CNTNAP5: variants seen among roughly 807,000 people sequenced by gnomAD.
CNTNAP5 encodes the protein contactin-associated protein-like 5.
In CNTNAP5, 72 loss-of-function variants were observed where a neutral mutation model predicts 150.2. The observed-to-expected ratio is 0.48, with a 90% CI of 0.40 to 0.58. The LOEUF (loss-of-function observed/expected upper bound fraction) is 0.58, where lower values mean the gene tolerates loss of function less well. CNTNAP5 is among the 20% of genes least tolerant of loss of function. The probability of loss-of-function intolerance (pLI) is 0.00; values close to 1 mark genes in which losing one functional copy is unlikely to be tolerated. For synonymous variants in CNTNAP5, 672 were observed against 619.8 expected (o/e 1.08, Z -1.25); for missense variants, 1,636 against 1,626.2 (o/e 1.01, Z -0.10).
At chr2:124,184,330 A>T (rs530770528) in intron 1 of CNTNAP5, among the ~76,000 whole-genome samples, 191 of 152,302 alleles carry the variant, frequency 1.3e-3, no homozygotes, top group African/African-American at 4.4e-3. Flanking sequence ...GGAGCTTTGC[A>T]TGGAGAAGCA....
intron 19 of CNTNAP5, among the ~76,000 whole-genome samples, chr2:124,830,470 C>T (rs1410581442): frequency 6.6e-6 from 1 of 151,948 alleles, no homozygotes; most frequent in East Asian, 1.9e-4. Flanking sequence ...AAAGCCCATT[C>T]AGATAACTGT....
At chr2:124,079,176 C>T (rs919372507) in intron 1 of CNTNAP5, among the ~76,000 whole-genome samples, 4 of 152,120 alleles carry the variant, frequency 2.6e-5, no homozygotes, top group African/African-American at 9.7e-5. Flanking sequence ...ACACCTGTTA[C>T]GTTAGTCCAG....
intron 22 of CNTNAP5, among the ~76,000 whole-genome samples, chr2:124,903,413 G>T (rs1678455880): frequency 6.6e-6 from 1 of 152,072 alleles, no homozygotes. Flanking sequence ...AGTGGATACT[G>T]CTCCGAGAAT....
chr2:124,333,964 C>T (rs1398139760), intron 3 of CNTNAP5, among the ~76,000 whole-genome samples: 1 of 152,132 alleles, frequency 6.6e-6, no homozygotes, highest in Non-Finnish European at 1.5e-5. Context: ...AGTTAATAAA[C>T]ACCCAAAGGT....
At chr2:124,403,914 A>C (rs751905939) in intron 3 of CNTNAP5, among the ~76,000 whole-genome samples, 10 of 152,224 alleles carry the variant, frequency 6.6e-5, no homozygotes, top group Non-Finnish European at 1.3e-4. Context: ...GCCCTTTCTA[A>C]AACTATCAGG....
chr2:124,610,980 T>C (rs1165631978), intron 12 of CNTNAP5, among the ~76,000 whole-genome samples: 1 of 150,918 alleles, frequency 6.6e-6, no homozygotes, highest in Non-Finnish European at 1.5e-5. Flanking sequence ...AATCCAGCTA[T>C]GCAAGCACTC....
At chr2:124,768,761 G>C (rs1346759109) in intron 16 of CNTNAP5, among the ~76,000 whole-genome samples, 1 of 152,040 alleles carries the variant, frequency 6.6e-6, no homozygotes, top group Non-Finnish European at 1.5e-5. Context: ...CAGTCCACAG[G>C]ATTGACAATG....
At chr2:124,534,519 T>C (rs190191040) in intron 10 of CNTNAP5, among the ~76,000 whole-genome samples, 49 of 152,276 alleles carry the variant, frequency 3.2e-4, no homozygotes, top group Non-Finnish European at 1.5e-5. Context: ...TTCCAGATGT[T>C]GCCATGGCAT....
At chr2:124,196,975 G>A (rs1421971193) in intron 1 of CNTNAP5, among the ~76,000 whole-genome samples, 4 of 152,186 alleles carry the variant, frequency 2.6e-5, no homozygotes, top group Non-Finnish European at 5.9e-5. Context: ...GATAAATATA[G>A]TAGCATGCAT....
intron 1 of CNTNAP5, among the ~76,000 whole-genome samples, chr2:124,051,548 C>T (rs955671144): frequency 1.3e-5 from 2 of 152,196 alleles, no homozygotes; most frequent in Non-Finnish European, 2.9e-5. Context: ...TCCATCTCTT[C>T]GTGATGCCAA....
chr2:124,513,141 C>T (rs1027506028), intron 8 of CNTNAP5, among the ~76,000 whole-genome samples: 1 of 152,122 alleles, frequency 6.6e-6, no homozygotes, highest in Non-Finnish European at 1.5e-5. Context: ...CATATTTTCT[C>T]AGTTTTGGAG....
At chr2:124,514,279 G>A (rs774887657) in intron 8 of CNTNAP5, among the ~76,000 whole-genome samples, 21 of 152,328 alleles carry the variant, frequency 1.4e-4, no homozygotes, top group South Asian at 4.1e-4. Context: ...TTTCTTGGGC[G>A]TCTTCAGCTT....
rs111675666 is a variant in CNTNAP5, at chr2:124,322,082, G to A, written c.381+79689G>A. 3.2e-3 allele frequency among the ~76,000 whole-genome samples: 487 copies of A among 151,752 alleles called. 4 individuals carry two copies. Among genetic ancestry groups the A allele is most frequent in the East Asian group, 0.026 (135 of 5,174 alleles). The stretch of plus-strand genomic sequence containing the variant: ...GGAGAATCGCTTGAACTTGGGAGGC[G>A]GAGGTTGCAGTGAGCCAAGATTGCA... On this transcript the variant is annotated intron_variant, in intron 3 of 23. Coordinates refer to ENST00000682447, the MANE Select transcript of CNTNAP5 (RefSeq NM_001367498.1).
At chr2:124,707,147 GA>G in intron 13 of CNTNAP5, among the ~76,000 whole-genome samples, 1 of 40,984 alleles carries the variant, frequency 2.4e-5, no homozygotes, top group Non-Finnish European at 5.1e-5. Context: ...AGAGGAAGAA[GA>G]AGAAGAAGAA....
intron 1 of CNTNAP5, among the ~76,000 whole-genome samples, chr2:124,211,968 G>A (rs1245688472): frequency 1.3e-5 from 2 of 152,176 alleles, no homozygotes; most frequent in Non-Finnish European, 2.9e-5. Flanking sequence ...GCTGTTGGAA[G>A]TTTAGCCCCA....
At chr2:124,551,248 C>T (rs1695621358) in intron 10 of CNTNAP5, among the ~76,000 whole-genome samples, 1 of 152,082 alleles carries the variant, frequency 6.6e-6, no homozygotes, top group South Asian at 2.1e-4. Context: ...CGATTGACTC[C>T]CTGCTGTGAA....
At chr2:124,890,499 A>G (rs939314888) in intron 21 of CNTNAP5, among the ~76,000 whole-genome samples, 1 of 151,942 alleles carries the variant, frequency 6.6e-6, no homozygotes, top group Non-Finnish European at 1.5e-5. Context: ...CCACCACCCT[A>G]TCAGTGCTTT....
intron 11 of CNTNAP5, among the ~76,000 whole-genome samples, chr2:124,572,899 G>A (rs908468016): frequency 1.1e-4 from 17 of 152,090 alleles, no homozygotes; most frequent in African/African-American, 4.1e-4. Context: ...TGCTCCTTTA[G>A]CATTCTCTCA....
chr2:124,760,163 G>A (rs1387087735), intron 14 of CNTNAP5, among the ~76,000 whole-genome samples: 2 of 151,678 alleles, frequency 1.3e-5, no homozygotes, highest in African/African-American at 4.8e-5. Context: ...AGGGGGTGTG[G>A]GGTCTCTTGA....
Sources: gnomAD v4.1 joint callset for allele counts (sites outside exome capture counted in the v4.1 genomes callset) on GRCh38, gnomAD v4.1.1 for gene constraint, MANE v1.5 for transcripts, NCBI Gene and HGNC (gene_info 2026-07-23, HGNC 2026-07-21) for gene names.